LYPD6B: variants seen among roughly 807,000 people sequenced by gnomAD.
LYPD6B encodes the protein LY6/PLAUR domain containing 6B, also known as ly6/PLAUR domain-containing protein 6B.
LYPD6B carries 17 observed loss-of-function variants against 22.8 expected under a neutral mutation model. The observed-to-expected ratio is 0.75, with a 90% CI of 0.51 to 1.12. The LOEUF is 1.12. Among genes scored for constraint, LYPD6B ranks in the 50% most tolerant of loss-of-function variants. The pLI is 0.00. For synonymous variants in LYPD6B, 106 were observed against 91.6 expected, an observed-to-expected ratio of 1.16 and a Z score of -0.90; for missense variants, 221 against 258.3, an observed-to-expected ratio of 0.86 and a Z score of 0.99.
At chr2:149,122,132 G>A (rs1687395820) in intron 1 of LYPD6B, among the ~76,000 whole-genome samples, 1 of 152,188 alleles carries the variant, frequency 6.6e-6, no homozygotes, top group Non-Finnish European at 1.5e-5. Flanking sequence ...CTGCAGTCCA[G>A]AAAGGCCTTA....
chr2:149,119,344 A>G (rs954827897), intron 1 of LYPD6B, among the ~76,000 whole-genome samples: 2 of 152,250 alleles, frequency 1.3e-5, no homozygotes, highest in Non-Finnish European at 2.9e-5. Flanking sequence ...TTAAAGCGTA[A>G]GAAGCTTTAT....
chr2:149,107,102 A>G (rs530064941), intron 1 of LYPD6B, among the ~76,000 whole-genome samples: 2 of 152,346 alleles, frequency 1.3e-5, no homozygotes, highest in South Asian at 2.1e-4. Context: ...TTATAAGAAT[A>G]TACTATAATT....
At chr2:149,076,415 G>C (rs986167050) in intron 1 of LYPD6B, among the ~76,000 whole-genome samples, 12 of 152,152 alleles carry the variant, frequency 7.9e-5, no homozygotes, top group Non-Finnish European at 1.8e-4. Flanking sequence ...ACAGCTCTTG[G>C]AAGTGTTAGT....
chr2:149,090,074 T>C (rs1038347669), intron 1 of LYPD6B, among the ~76,000 whole-genome samples: 1 of 152,190 alleles, frequency 6.6e-6, no homozygotes, highest in African/African-American at 2.4e-5. Context: ...TTGATTTCTG[T>C]ATTGGAAGGG....
intron 2 of LYPD6B, among the ~76,000 whole-genome samples, chr2:149,132,359 G>A (rs1688083466): frequency 6.6e-6 from 1 of 151,224 alleles, no homozygotes; most frequent in African/African-American, 2.4e-5. Flanking sequence ...TTTGGTTTCG[G>A]TTTGGGCAAA....
At chr2:149,147,365 A>G (rs964916584) in intron 2 of LYPD6B, among the ~76,000 whole-genome samples, 1 of 152,234 alleles carries the variant, frequency 6.6e-6, no homozygotes, top group South Asian at 2.1e-4. Flanking sequence ...TCTGAAGGAC[A>G]GGCTTTTCTG....
intron 1 of LYPD6B, among the ~76,000 whole-genome samples, chr2:149,076,935 G>A (rs1032066664): frequency 6.6e-6 from 1 of 152,190 alleles, no homozygotes; most frequent in African/African-American, 2.4e-5. Flanking sequence ...TGGGGTTAGA[G>A]TTGGTTCTGT....
At chr2:149,106,383 G>T (rs1686473347) in intron 1 of LYPD6B, among the ~76,000 whole-genome samples, 1 of 152,068 alleles carries the variant, frequency 6.6e-6, no homozygotes, top group African/African-American at 2.4e-5. Flanking sequence ...GGTAGAATTT[G>T]CCAGTGAAGA....
rs571182062 is a variant in LYPD6B, at chr2:149,187,530, C to T, written c.78-17723C>T. On this transcript the variant is annotated intron_variant, in intron 3 of 6. Coordinates refer to ENST00000409642, the MANE Select transcript of LYPD6B (RefSeq NM_177964.5). ...GAATATTGGAAAGTAAGATTCCCTG[C>T]GAGCAGGATCTCAGGCAACGTCAAT... is the stretch of plus-strand genomic sequence containing the variant. The T allele has an allele frequency of 5.7e-4, 840 of 1,470,132 alleles. 8 individuals carry two copies. In the Middle Eastern group the frequency reaches 7.8e-3, roughly 14 times the overall value. 91.1% of individuals were successfully genotyped at this position (1,470,132 alleles called of 1,614,324 possible). A position where few individuals can be genotyped will look rare whatever the true frequency, so the allele number is the denominator to read the frequency against.
At position 149,177,226 on chromosome 2, in the gene LYPD6B, G is replaced by A. The variant is rs887923575; in HGVS notation, c.77+16391G>A. ...ATTAGCGTTGCATGGAGAGAGCCTG[G>A]AACATCCCAATGCCATTCTTCAAAT... On this transcript the variant is annotated intron_variant, in intron 3 of 6. Coordinates refer to ENST00000409642, the MANE Select transcript of LYPD6B (RefSeq NM_177964.5). Among the ~76,000 whole-genome samples, 6 of 152,168 alleles carry A rather than the reference G, an allele frequency of 3.9e-5. No individual in the cohort carries two copies. The South Asian group carries it at 1.2e-3, about 32-fold the overall frequency.
At chr2:149,086,766 G>C (rs1289557669) in intron 1 of LYPD6B, among the ~76,000 whole-genome samples, 1 of 152,126 alleles carries the variant, frequency 6.6e-6, no homozygotes, top group Admixed American at 6.6e-5. Flanking sequence ...GTGATGGCAG[G>C]GTCGGTTTCC....
intron 1 of LYPD6B, among the ~76,000 whole-genome samples, chr2:149,127,108 TG>T (rs1303858686): frequency 2.0e-5 from 3 of 151,700 alleles, no homozygotes; most frequent in Non-Finnish European, 4.4e-5. Flanking sequence ...AGTCTCTTTT[TG>T]TTTGTTCATT....
At chr2:149,136,416 C>T (rs1407594800) in intron 2 of LYPD6B, among the ~76,000 whole-genome samples, 1 of 152,246 alleles carries the variant, frequency 6.6e-6, no homozygotes, top group African/African-American at 2.4e-5. Flanking sequence ...CTCCAGCATC[C>T]AGAGACTCCG....
intron 1 of LYPD6B, among the ~76,000 whole-genome samples, chr2:149,126,684 A>G (rs998687260): frequency 3.9e-5 from 6 of 152,132 alleles, no homozygotes; most frequent in African/African-American, 1.4e-4. Flanking sequence ...TCAAGGGTCA[A>G]CCATGCTTTT....
chr2:149,195,816 C>T (rs1010059537), intron 3 of LYPD6B, among the ~76,000 whole-genome samples: 4 of 152,076 alleles, frequency 2.6e-5, no homozygotes, highest in African/African-American at 7.2e-5. Context: ...TTTTTATTCT[C>T]CTTTAATTTG....
At chr2:149,131,994 C>T (rs1301473045) in intron 2 of LYPD6B, among the ~76,000 whole-genome samples, 1 of 151,908 alleles carries the variant, frequency 6.6e-6, no homozygotes, top group East Asian at 1.9e-4. Flanking sequence ...GAAACTGAGA[C>T]CGGGAGAGGG....
At chr2:149,164,731 A>G (rs920698427) in intron 3 of LYPD6B, among the ~76,000 whole-genome samples, 16 of 152,170 alleles carry the variant, frequency 1.1e-4, no homozygotes, top group African/African-American at 3.6e-4. Context: ...TTCCAAGTGA[A>G]TGTGCTGCCT....
chr2:149,209,459 G>A (rs985237871), intron 5 of LYPD6B, among the ~76,000 whole-genome samples: 7 of 152,104 alleles, frequency 4.6e-5, no homozygotes, highest in African/African-American at 9.7e-5. Context: ...TTAGGAGATC[G>A]GGTTGTTCAG....
At chr2:149,065,391 A>G (rs1425250074) in intron 1 of LYPD6B, among the ~76,000 whole-genome samples, 1 of 152,236 alleles carries the variant, frequency 6.6e-6, no homozygotes, top group Non-Finnish European at 1.5e-5. Flanking sequence ...TTGGCCCCCT[A>G]GTAAGGACAT....
Sources: gnomAD v4.1 joint callset for allele counts (sites outside exome capture counted in the v4.1 genomes callset) on GRCh38, gnomAD v4.1.1 for gene constraint, MANE v1.5 for transcripts, NCBI Gene and HGNC (gene_info 2026-07-23, HGNC 2026-07-21) for gene names.